The following TRPM2 variants were observed in gnomAD, a reference collection of about 807,000 sequenced individuals.
TRPM2 encodes estrogen-responsive element-associated gene 1 protein.
Under a neutral mutation model 174.0 loss-of-function variants are expected in TRPM2, and 161 were observed. That is an observed-to-expected ratio of 0.93 (90% CI 0.81 to 1.05). TRPM2 has a LOEUF of 1.05. Among genes scored for constraint, TRPM2 ranks in the 50% least tolerant of loss-of-function variants. TRPM2 has a pLI of 0.00. For synonymous variants in TRPM2, 954 were observed against 861.3 expected, an observed-to-expected ratio of 1.11 and a Z score of -1.88; for missense variants, 2,057 against 2,038.0, an observed-to-expected ratio of 1.01 and a Z score of -0.18.
At chr21:44,401,577 C>CAA in intron 15 of TRPM2, 104 bp from the exon 16 acceptor site, 1 of 1,221,240 alleles carries the variant, frequency 8.2e-7, no homozygotes, top group South Asian at 1.3e-5. Context: ...TCTAAAAGCA[C>CAA]ATCTCTCTGA....
chr21:44,406,246 C>A lies in TRPM2; in HGVS notation c.2790+209C>A, dbSNP rs939507115. On this transcript the variant is annotated intron_variant, in intron 18 of 31. Transcript: ENST00000397928. ...CCAGGAAGCCTTCCCTCATTCTCCCCTCTGATCCCCACTCATTCCTGGCCT... is the reference window on the plus strand; with the variant it reads ...CCAGGAAGCCTTCCCTCATTCTCCCATCTGATCCCCACTCATTCCTGGCCT... Among the ~76,000 whole-genome samples the A allele has an allele frequency of 3.3e-5, 5 of 152,130 alleles. No individual in the cohort carries two copies. In the East Asian group the frequency reaches 9.6e-4, roughly 29 times the overall value.
chr21:44,435,996 A>C, intron 28 of TRPM2, among the ~76,000 whole-genome samples: 1 of 124,020 alleles, frequency 8.1e-6, no homozygotes, highest in Non-Finnish European at 1.7e-5. Context: ...ACAGCCCCAC[A>C]CTCACCCCCT....
intron 4 of TRPM2, 57 bp from the exon 5 acceptor site, chr21:44,369,120 T>C: frequency 7.5e-7 from 1 of 1,341,850 alleles, no homozygotes; most frequent in Non-Finnish European, 9.5e-7. Context: ...GTCAGGCTCC[T>C]GGGTGTCAGG....
Position 44,395,473 on chromosome 21 carries a change from C to T in TRPM2, c.1854C>T (p.Thr618=), listed in dbSNP as rs2049318940. ...GTTCCTCAGGCCATGTGACCTTCAC[C>T]ATGGACCCCATCCGTGACCTTCTCA... ...YKRSSGHVTF[T]MDPIRDLLIW... Residue 618 remains threonine, a synonymous_variant, in exon 12 of 32, where the codon ACC becomes ACT. Transcript: ENST00000397928. The T allele has an allele frequency of 3.7e-6, 6 of 1,613,066 alleles. No homozygotes were observed. Among genetic ancestry groups the T allele is most frequent in the African/African-American group, 2.7e-5 (2 of 75,052 alleles).
At chr21:44,420,295 T>G (rs117612495) in intron 22 of TRPM2, among the ~76,000 whole-genome samples, 1,823 of 152,072 alleles carry the variant, frequency 0.012, 26 homozygotes, top group Non-Finnish European at 0.02. Flanking sequence ...GGAATCTGGA[T>G]GTTGGTTGGT....
chr21:44,414,209 C>G (rs1046242156), intron 20 of TRPM2, 135 bp downstream of exon 20: 2 of 1,180,982 alleles, frequency 1.7e-6, no homozygotes, highest in Non-Finnish European at 2.4e-6. Flanking sequence ...TCACTCATAT[C>G]CTGGTGGAGT....
At chr21:44,356,340 G>A (rs372180084) in intron 2 of TRPM2, among the ~76,000 whole-genome samples, 25 of 151,324 alleles carry the variant, frequency 1.7e-4, no homozygotes, top group Non-Finnish European at 3.2e-4. Context: ...TGGTACTCCA[G>A]CCTCGGAGCT....
Position 44,435,718 on chromosome 21 carries a change from C to T in TRPM2, c.4061+501C>T, listed in dbSNP as rs780678414. Among the ~76,000 whole-genome samples, 334 of 129,148 alleles carry T rather than the reference C, an allele frequency of 2.6e-3. 1 individual carries two copies. The highest frequency in any genetic ancestry group is 7.0e-3 in the African/African-American group (200 of 28,560). 84.7% of individuals were successfully genotyped at this position (129,148 alleles called of 152,430 possible). ...CAGACTCACTTTCCACACCCATCCA[C>T]GGGGACACAGCCCCACACTCACCCC... On this transcript the variant is annotated intron_variant, in intron 28 of 31. Transcript: ENST00000397928.
chr21:44,372,426 C>T lies in TRPM2; in HGVS notation c.771+3083C>T, dbSNP rs1170798206. On this transcript the variant is annotated intron_variant, in intron 5 of 31. Transcript: ENST00000397928. The stretch of plus-strand genomic sequence containing the variant: ...AGGAGAATCGCTTGAACCTGGGAGG[C>T]GGAGGTTGCAGCGAGCCAAGGTTGT... Among the ~76,000 whole-genome samples the T allele has an allele frequency of 2.7e-5, 4 of 150,108 alleles. No individual in the cohort carries two copies. The East Asian group carries it at 6.1e-4, about 23-fold the overall frequency.
rs755758056 is a variant in TRPM2 at position 44,369,193 on chromosome 21, A to AG, written c.627dup (p.Ser210ValfsTer59). ...CTTCCCCAGGGGCCTGGATCATCAC[A>AG]GGGGGGTCCCACACCGGCGTCATGA... On this transcript the variant is annotated frameshift_variant, in exon 5 of 32. Transcript: ENST00000397928. LOFTEE classifies it high-confidence loss of function. 2.0e-5 allele frequency: 32 copies of AG among 1,610,650 alleles called. No homozygotes were observed. In the East Asian group the frequency reaches 2.2e-4, roughly 11 times the overall value.
At chr21:44,359,755 A>ATTT (rs757501715) in intron 2 of TRPM2, among the ~76,000 whole-genome samples, 5 of 141,900 alleles carry the variant, frequency 3.5e-5, no homozygotes, top group Admixed American at 7.0e-5. Context: ...ATATATATAT[A>ATTT]TATTTTTTTT....
intron 22 of TRPM2, among the ~76,000 whole-genome samples, chr21:44,420,523 G>T (rs1336982419): frequency 2.0e-5 from 3 of 152,246 alleles, no homozygotes; most frequent in Non-Finnish European, 4.4e-5. Flanking sequence ...GGCCTGCTCA[G>T]CCCTGACGTT....
At chr21:44,378,914 T>G in intron 7 of TRPM2, 83 bp from the exon 8 acceptor site, 1 of 1,461,000 alleles carries the variant, frequency 6.8e-7, no homozygotes, top group African/African-American at 1.4e-5. Context: ...TGCCCTTAGC[T>G]GGCCTTGGAG....
chr21:44,379,712 G>T (rs2048821338), intron 8 of TRPM2, among the ~76,000 whole-genome samples: 1 of 152,234 alleles, frequency 6.6e-6, no homozygotes, highest in African/African-American at 2.4e-5. Flanking sequence ...GGGGTCCGTT[G>T]TGAAGGGCCG....
Position 44,382,837 on chromosome 21 carries a change from A to G in TRPM2, c.1318+17A>G. On this transcript the variant is annotated intron_variant, in intron 9 of 31. Coordinates refer to ENST00000397928, the MANE Select transcript of TRPM2 (RefSeq NM_003307.4). ...TGCTGAAAGGTGAGGGTCAGGGAAC[A>G]TGGGGGCAATGGGGTGGAGGCCAGA... The G allele has an allele frequency of 6.2e-7, 1 of 1,603,528 alleles. No homozygotes were observed. The highest frequency in any genetic ancestry group is 1.3e-5 in the African/African-American group (1 of 74,882).
chr21:44,368,732 G>A (rs541763646), intron 4 of TRPM2, among the ~76,000 whole-genome samples: 47 of 152,044 alleles, frequency 3.1e-4, no homozygotes, highest in East Asian at 5.8e-4. Flanking sequence ...GTGCCCGGCC[G>A]GAGGTGTGTT....
chr21:44,352,506 T>A (rs2123001843), upstream of TRPM2, among the ~76,000 whole-genome samples: 29 of 152,284 alleles, frequency 1.9e-4, no homozygotes, highest in Middle Eastern at 3.4e-3. Context: ...GTGACCGTCG[T>A]GTGTAGTGGA....
chr21:44,418,503 C>T lies in TRPM2; in HGVS notation c.3409C>T (p.Gln1137Ter), dbSNP rs1015653196. 3.7e-6 allele frequency: 6 copies of T among 1,614,016 alleles called. No homozygotes were observed. Among genetic ancestry groups the T allele is most frequent in the Non-Finnish European group, 5.1e-6 (6 of 1,180,030 alleles). ...GAAGGAGAACTACCTCCAGAACCGA[C>T]AGTTCCAGCAAAAGCAGCGGCCCGA... ...YLKENYLQNR[Q>*]FQQKQRPEQK... The change falls in exon 22 of 32, where the codon CAG (glutamine) becomes TAG (stop). Residue 1137 changes from glutamine to a stop codon, truncating the protein, a stop_gained. Coordinates refer to ENST00000397928, the MANE Select transcript of TRPM2 (RefSeq NM_003307.4). LOFTEE classifies it high-confidence loss of function.
intron 9 of TRPM2, among the ~76,000 whole-genome samples, chr21:44,390,094 G>A (rs544400575): frequency 6.6e-6 from 1 of 152,096 alleles, no homozygotes; most frequent in South Asian, 2.1e-4. Flanking sequence ...GGATGGTCTC[G>A]ATCTCCTGAC....
Sources: gnomAD v4.1 joint callset for allele counts (sites outside exome capture counted in the v4.1 genomes callset) on GRCh38, gnomAD v4.1.1 for gene constraint, MANE v1.5 for transcripts, NCBI Gene and HGNC (gene_info 2026-07-23, HGNC 2026-07-21) for gene names.